RBM19: variants seen among roughly 807,000 people sequenced by gnomAD.
RBM19 encodes probable RNA-binding protein 19.
In RBM19, 94 loss-of-function variants were observed where a neutral mutation model predicts 116.8. That is an observed-to-expected ratio of 0.80 (90% CI 0.68 to 0.95). The LOEUF (loss-of-function observed/expected upper bound fraction) is 0.95. Ranked by LOEUF, RBM19 falls within the 40% of genes least tolerant of loss-of-function variation. The pLI is 0.00. For missense variants in RBM19, 1,161 were observed against 1,220.7 expected (o/e 0.95, Z 0.73); for synonymous variants, 475 against 494.1 (o/e 0.96, Z 0.51).
chr12:113,952,842 C>A (rs946483875), intron 7 of RBM19, among the ~76,000 whole-genome samples: 1 of 152,170 alleles, frequency 6.6e-6, no homozygotes, highest in Non-Finnish European at 1.5e-5. Flanking sequence ...ATGTCACGAT[C>A]CGCATTTCAA....
chr12:113,888,066 C>T (rs530294410), intron 21 of RBM19, among the ~76,000 whole-genome samples: 1 of 152,280 alleles, frequency 6.6e-6, no homozygotes, highest in Admixed American at 6.5e-5. Context: ...GGATGCATAG[C>T]CAGACCTGTG....
Position 113,859,909 on chromosome 12 carries a change from C to T in RBM19, c.2559-1013G>A, listed in dbSNP as rs77996644. ...CCAAAGACTGATTGGGTAAAAAACACAGTAAAGGCCGTAAGCTCTCGTGAA... is the reference window on the plus strand; with the variant it reads ...CCAAAGACTGATTGGGTAAAAAACATAGTAAAGGCCGTAAGCTCTCGTGAA... On this transcript the variant is annotated intron_variant, in intron 21 of 23. Coordinates refer to ENST00000261741, the MANE Select transcript of RBM19 (RefSeq NM_016196.4). Among the ~76,000 whole-genome samples, 842 of 152,282 alleles carry T rather than the reference C, an allele frequency of 5.5e-3. 12 individuals are homozygous for T. Among genetic ancestry groups the T allele is most frequent in the African/African-American group, 0.019 (789 of 41,552 alleles).
chr12:113,864,722 T>C (rs1175531233), intron 21 of RBM19, among the ~76,000 whole-genome samples: 1 of 152,156 alleles, frequency 6.6e-6, no homozygotes, highest in East Asian at 1.9e-4. Flanking sequence ...AACAGAACTA[T>C]CATCTAAAAT....
At chr12:113,947,789 T>C (rs980050782) in intron 10 of RBM19, among the ~76,000 whole-genome samples, 4 of 152,220 alleles carry the variant, frequency 2.6e-5, no homozygotes, top group Non-Finnish European at 5.9e-5. Context: ...CTAGAGTTAG[T>C]GCCAAAGAAG....
rs75127738 is a variant in RBM19, at chr12:113,890,038, T to C, written c.2558+24931A>G. On this transcript the variant is annotated intron_variant, in intron 21 of 23. Transcript: ENST00000261741. ...GCTGGAGCCCAGGCAGCTGGGAGCC[T>C]GGGAGTGGTAACCTCGCTAATTCAA... Among the ~76,000 whole-genome samples, 181 of 152,368 alleles carry C rather than the reference T, an allele frequency of 1.2e-3. 2 individuals carry two copies. The highest frequency in any genetic ancestry group is 4.3e-3 in the African/African-American group (178 of 41,596).
At chr12:113,922,827 G>A (rs1868711252) in intron 18 of RBM19, among the ~76,000 whole-genome samples, 1 of 152,070 alleles carries the variant, frequency 6.6e-6, no homozygotes, top group Non-Finnish European at 1.5e-5. Context: ...CTTTACAGAG[G>A]TAACCAAGTT....
At chr12:113,855,201 T>C (rs562591386) in intron 22 of RBM19, among the ~76,000 whole-genome samples, 21 of 152,120 alleles carry the variant, frequency 1.4e-4, no homozygotes, top group Non-Finnish European at 2.8e-4. Flanking sequence ...GGGACTGTGG[T>C]GTTGAGGGGA....
At chr12:113,964,472 AC>A (rs1342192709) in intron 1 of RBM19, among the ~76,000 whole-genome samples, 1 of 152,222 alleles carries the variant, frequency 6.6e-6, no homozygotes, top group African/African-American at 2.4e-5. Flanking sequence ...AGTCAACTAC[AC>A]TGTGAAGTGC....
Position 113,947,480 on chromosome 12 carries a change from G to T in RBM19, c.1277-16C>A, listed in dbSNP as rs1464641662. On this transcript the variant is annotated splice_polypyrimidine_tract_variant and intron_variant, in intron 10 of 23. Transcript: ENST00000261741. ...GACAGGGGACCTGAGGACAGGAGAA[G>T]TGTCGGTCTCTGGTAGGCCGCAGCC... 3.2e-6 allele frequency: 5 copies of T among 1,584,488 alleles called. No individual in the cohort carries two copies. The highest frequency in any genetic ancestry group is 1.3e-5 in the African/African-American group (1 of 74,528).
chr12:113,922,936 C>A (rs1269617374), intron 18 of RBM19, among the ~76,000 whole-genome samples: 5 of 152,168 alleles, frequency 3.3e-5, no homozygotes, highest in Admixed American at 6.5e-5. Flanking sequence ...GAGTTCGAGA[C>A]CAGCCTGACC....
At chr12:113,940,964 G>T (rs1347225800) in intron 14 of RBM19, among the ~76,000 whole-genome samples, 1 of 152,152 alleles carries the variant, frequency 6.6e-6, no homozygotes, top group Non-Finnish European at 1.5e-5. Flanking sequence ...TGTAATATGA[G>T]CACTCTGAAA....
At chr12:113,957,212 T>C (rs1400090434) in intron 6 of RBM19, among the ~76,000 whole-genome samples, 12 of 152,182 alleles carry the variant, frequency 7.9e-5, no homozygotes, top group Non-Finnish European at 1.6e-4. Flanking sequence ...GTGTTGACAA[T>C]AATTTAGTTG....
intron 15 of RBM19, among the ~76,000 whole-genome samples, chr12:113,939,108 A>G (rs1870321932): frequency 6.6e-6 from 1 of 152,152 alleles, no homozygotes. Context: ...AAGAATGCTC[A>G]TTCTTGGGCA....
intron 7 of RBM19, among the ~76,000 whole-genome samples, chr12:113,954,457 T>C (rs1871737575): frequency 6.6e-6 from 1 of 152,214 alleles, no homozygotes; most frequent in South Asian, 2.1e-4. Context: ...TGTCACTGTA[T>C]TTGGAGTCGT....
chr12:113,846,449 A>G (rs1004561822), intron 22 of RBM19, among the ~76,000 whole-genome samples: 1 of 152,192 alleles, frequency 6.6e-6, no homozygotes, highest in Non-Finnish European at 1.5e-5. Flanking sequence ...AGATGTAATC[A>G]GTCAAGACGA....
intron 19 of RBM19, among the ~76,000 whole-genome samples, chr12:113,920,025 G>A (rs959425135): frequency 1.3e-5 from 2 of 152,006 alleles, no homozygotes; most frequent in Admixed American, 6.6e-5. Flanking sequence ...ACCCCACGCC[G>A]CCCCTGCCAC....
chr12:113,933,855 A>G (rs1869828317), intron 16 of RBM19, among the ~76,000 whole-genome samples: 1 of 152,196 alleles, frequency 6.6e-6, no homozygotes, highest in Admixed American at 6.5e-5. Flanking sequence ...GGGTCTGTGC[A>G]TCTGTGTGGT....
Position 113,903,039 on chromosome 12 carries a change from C to T in RBM19, c.2558+11930G>A, listed in dbSNP as rs535346401. 3.0e-4 allele frequency among the ~76,000 whole-genome samples: 46 copies of T among 152,260 alleles called. No homozygotes were observed. The highest frequency in any genetic ancestry group is 1.1e-3 in the African/African-American group (45 of 41,568). ...ATTACCTCACACAGAAGTCCTGTAC[C>T]CTCTATCCAGTAACTCCCAACCTAC... On this transcript the variant is annotated intron_variant, in intron 21 of 23. Transcript: ENST00000261741. This position sits in a 1 kb window ranked among gnomAD's most constrained non-coding sequence, Gnocchi z 5.1.
chr12:113,959,190 C>T (rs377291853), intron 5 of RBM19, 22 bp downstream of exon 5: 1 of 1,595,932 alleles, frequency 6.3e-7, no homozygotes, highest in African/African-American at 1.3e-5. Context: ...GCGCATGGAG[C>T]ACACAGTCCC....
Sources: allele counts gnomAD v4.1 joint callset (sites outside exome capture counted in the v4.1 genomes callset), GRCh38; gene constraint gnomAD v4.1.1; non-coding constraint Gnocchi (gnomAD v3.1); transcripts MANE v1.5; gene names NCBI Gene and HGNC (gene_info 2026-07-23, HGNC 2026-07-21).